The following IKZF4 variants were observed in gnomAD, a reference collection of about 807,000 sequenced individuals.
IKZF4 encodes zinc finger protein Eos.
Under a neutral mutation model 47.7 loss-of-function variants are expected in IKZF4, and 11 were observed. The observed-to-expected ratio is 0.23, with a 90% CI of 0.15 to 0.38. The LOEUF (loss-of-function observed/expected upper bound fraction) is 0.38, where lower values mean the gene tolerates loss of function less well. IKZF4 is among the 10% of genes least tolerant of loss of function. The pLI is 1.00. For missense variants in IKZF4, 557 were observed against 784.9 expected (o/e 0.71, Z 3.47); for synonymous variants, 298 against 299.4 (o/e 1.00, Z 0.05).
Position 56,025,780 on chromosome 12 carries a change from C to T in IKZF4, c.286+622C>T, listed in dbSNP as rs538207462. ...TTTGCTCTCTTTGGCCTGTTGTCCC[C>T]CTTCAGTCTTCCTAGATCTGTTTTC... On this transcript the variant is annotated intron_variant, in intron 3 of 7. Coordinates refer to ENST00000547167, the MANE Select transcript of IKZF4 (RefSeq NM_022465.4). 9.2e-4 allele frequency among the ~76,000 whole-genome samples: 140 copies of T among 152,226 alleles called. 1 individual carries two copies. In the South Asian group the frequency reaches 0.029, roughly 31 times the overall value.
chr12:56,035,243 C>A lies in IKZF4; in HGVS notation c.1670C>A (p.Pro557His). 1 of 1,614,176 alleles carries A rather than the reference C, an allele frequency of 6.2e-7. No individual in the cohort carries two copies. The highest frequency in any genetic ancestry group is 8.5e-7 in the Non-Finnish European group (1 of 1,180,034). Residue 557 changes from proline to histidine, a missense_variant, in exon 8 of 8, where the codon CCT becomes CAT. Coordinates refer to ENST00000547167, the MANE Select transcript of IKZF4 (RefSeq NM_022465.4). The surrounding 1 kb of genome is among the most constrained non-coding windows in gnomAD (Gnocchi z 6.1). ...ATGGGCTGCCATGGCTTCAGAGACC[C>A]TTTTGAGTGCAACATCTGTGGTTAT... Reference protein sequence around the residue: ...IHMGCHGFRDPFECNICGYHS... With the variant: ...IHMGCHGFRDHFECNICGYHS...
At chr12:56,015,516 C>CCCGAGTA (rs1891920246) in intron 2 of IKZF4, among the ~76,000 whole-genome samples, 1 of 152,068 alleles carries the variant, frequency 6.6e-6, no homozygotes, top group African/African-American at 2.4e-5. Context: ...GCCTCAGCCT[C>CCCGAGTA]CCGAGTAGAT....
chr12:56,020,515 T>C (rs910254626), upstream of IKZF4, among the ~76,000 whole-genome samples: 1 of 152,186 alleles, frequency 6.6e-6, no homozygotes, highest in Non-Finnish European at 1.5e-5. Flanking sequence ...AGCCCGAAGT[T>C]TCACAGCCCC....
intron 7 of IKZF4, 91 bp from the exon 8 acceptor site, chr12:56,034,480 C>A: frequency 7.5e-7 from 1 of 1,337,054 alleles, no homozygotes. Flanking sequence ...ATGTTACACC[C>A]AGCCCCACAG....
chr12:56,014,497 CACAA>C (rs1891751774), intron 2 of IKZF4, among the ~76,000 whole-genome samples: 1 of 152,204 alleles, frequency 6.6e-6, no homozygotes, highest in Non-Finnish European at 1.5e-5. Flanking sequence ...GCTGCATGCA[CACAA>C]ACACACACAC....
chr12:56,032,360 G>A (rs1895031832), intron 5 of IKZF4: 1 of 569,306 alleles, frequency 1.8e-6, no homozygotes. Flanking sequence ...CCCCATAACT[G>A]CACATTATCC....
At chr12:56,027,735 A>G (rs958552782) in intron 4 of IKZF4, 45 bp from the exon 5 acceptor site, 2 of 1,591,910 alleles carry the variant, frequency 1.3e-6, no homozygotes, top group Non-Finnish European at 1.7e-6. Context: ...CAACCTTCAA[A>G]GTTCCTCACA....
rs1893470256 is a variant in IKZF4, at chr12:56,023,754, A to G, written c.171A>G (p.Leu57=). The change falls in exon 2 of 8, where the codon TTA becomes TTG. Residue 57 remains leucine (L), a synonymous_variant. Coordinates refer to ENST00000547167, the MANE Select transcript of IKZF4 (RefSeq NM_022465.4). Reference sequence around the variant, plus strand: ...CCAACCATTTTATAATGGAATCTTTATTTTGTGAAAGTAAGTATGTGCATA... The same window carrying G: ...CCAACCATTTTATAATGGAATCTTTGTTTTGTGAAAGTAAGTATGTGCATA... The part of the protein sequence containing the change: ...QDSNHFIMES[L]FCESSGDSSL... 1.2e-6 allele frequency: 2 copies of G among 1,613,714 alleles called. No individual in the cohort carries two copies. Among genetic ancestry groups the G allele is most frequent in the Non-Finnish European group, 1.7e-6 (2 of 1,179,768 alleles).
chr12:56,010,163 CAGGCAGAGGG>C (rs1891173666), intron 1 of IKZF4: 1 of 152,182 alleles, frequency 6.6e-6, no homozygotes, highest in Non-Finnish European at 1.5e-5. Context: ...GACAATGCCA[CAGGCAGAGGG>C]ACTCCCTTTC....
intron 5 of IKZF4, among the ~76,000 whole-genome samples, chr12:56,030,262 AAAAACAAAAAC>A (rs1565828992): frequency 1.3e-4 from 19 of 149,286 alleles, no homozygotes; most frequent in East Asian, 1.2e-3. Context: ...CTACAAAAAC[AAAAACAAAAAC>A]AAAAACAAAA....
At chr12:56,018,395 A>G (rs867815889), upstream of IKZF4, among the ~76,000 whole-genome samples, 44 of 152,182 alleles carry the variant, frequency 2.9e-4, no homozygotes, top group African/African-American at 1.1e-3. Flanking sequence ...GGTATAGAGG[A>G]AGGGAATAGG....
intron 1 of IKZF4, among the ~76,000 whole-genome samples, chr12:56,009,031 C>T (rs898930574): frequency 6.6e-6 from 1 of 152,102 alleles, no homozygotes; most frequent in Non-Finnish European, 1.5e-5. Context: ...ATGAACAAAA[C>T]TGTCTATTGT....
chr12:56,023,145 T>C (rs539155072), intron 1 of IKZF4, among the ~76,000 whole-genome samples: 67 of 152,286 alleles, frequency 4.4e-4, no homozygotes, highest in African/African-American at 1.3e-3. Flanking sequence ...TTCCTCCACA[T>C]AGCAAGTCGC....
upstream of IKZF4, chr12:56,019,404 G>A (rs779864967): frequency 8.1e-6 from 8 of 982,858 alleles, no homozygotes; most frequent in South Asian, 9.4e-5. Flanking sequence ...GGCAACACCC[G>A]GGTAATGTAA....
At chr12:56,007,744 G>A (rs1237096179) in intron 1 of IKZF4, 2 of 151,780 alleles carry the variant, frequency 1.3e-5, no homozygotes, top group Admixed American at 6.6e-5. Context: ...GGTGAGTGAG[G>A]GGCGGGGCTT....
At chr12:56,028,776 A>G (rs1465917004) in intron 5 of IKZF4, among the ~76,000 whole-genome samples, 1 of 151,862 alleles carries the variant, frequency 6.6e-6, no homozygotes, top group Non-Finnish European at 1.5e-5. Context: ...GGATCTCCCT[A>G]TGCTGCCCAG....
chr12:56,030,273 C>A (rs372480456), intron 5 of IKZF4, among the ~76,000 whole-genome samples: 54 of 150,790 alleles, frequency 3.6e-4, no homozygotes, highest in African/African-American at 1.2e-3. Context: ...AAAACAAAAA[C>A]AAAAACAAAA....
intron 1 of IKZF4, chr12:56,010,157 A>G (rs1043951376): frequency 1.3e-5 from 2 of 152,152 alleles, no homozygotes; most frequent in Admixed American, 6.5e-5. Flanking sequence ...AGTGTGGACA[A>G]TGCCACAGGC....
Position 56,034,989 on chromosome 12 carries a change from C to A in IKZF4, c.1416C>A (p.Ser472=). Residue 472 remains serine, a synonymous_variant, in exon 8 of 8, where the codon TCC becomes TCA. Coordinates refer to ENST00000547167, the MANE Select transcript of IKZF4 (RefSeq NM_022465.4). ...AAGATCGGGTTGCGGGGGTGGTATC[C>A]CTCCCTCAGGGTCCCCCACCCCAGC... The part of the protein sequence containing the change: ...NHEDRVAGVV[S]LPQGPPPQPP... 6.4e-7 allele frequency: 1 copy of A among 1,559,038 alleles called. No individual in the cohort carries two copies. Among genetic ancestry groups the A allele is most frequent in the South Asian group, 1.2e-5 (1 of 82,038 alleles).
Sources: allele counts gnomAD v4.1 joint callset (sites outside exome capture counted in the v4.1 genomes callset), GRCh38; gene constraint gnomAD v4.1.1; non-coding constraint Gnocchi (gnomAD v3.1); transcripts MANE v1.5; gene names NCBI Gene and HGNC (gene_info 2026-07-23, HGNC 2026-07-21).